The following MADD variants were observed in gnomAD, a reference collection of about 807,000 sequenced individuals.
MADD encodes the protein MAP kinase-activating death domain protein.
In MADD, 109 loss-of-function variants were observed where a neutral mutation model predicts 176.7. That is an observed-to-expected ratio of 0.62 (90% confidence interval 0.53 to 0.72). The LOEUF (loss-of-function observed/expected upper bound fraction) is 0.72. MADD is among the 30% of genes least tolerant of loss of function. The probability of loss-of-function intolerance (pLI) is 0.00; values close to 1 mark genes in which losing one functional copy is unlikely to be tolerated. For synonymous variants in MADD, 771 were observed against 771.3 expected (o/e 1.00, Z 0.01); for missense variants, 1,914 against 2,045.5 (o/e 0.94, Z 1.24).
chr11:47,287,281 C>G (rs1473539583), intron 15 of MADD, among the ~76,000 whole-genome samples: 2 of 152,224 alleles, frequency 1.3e-5, no homozygotes, highest in Non-Finnish European at 2.9e-5. Flanking sequence ...GAGGTCGCGC[C>G]ACTGCACTCC....
At chr11:47,277,514 C>T (rs989813412) in intron 5 of MADD, among the ~76,000 whole-genome samples, 1 of 152,166 alleles carries the variant, frequency 6.6e-6, no homozygotes, top group Admixed American at 6.5e-5. Context: ...CTGGGCTGGT[C>T]TTGAACTCTT....
At chr11:47,290,365 A>G in intron 18 of MADD, 66 bp downstream of exon 19, 7 of 1,575,498 alleles carry the variant, frequency 4.4e-6, no homozygotes, top group Non-Finnish European at 6.0e-6. Context: ...TGAAGAGAAA[A>G]TATATGTGTA....
At chr11:47,287,271 G>A (rs1283625338) in intron 15 of MADD, among the ~76,000 whole-genome samples, 3 of 152,304 alleles carry the variant, frequency 2.0e-5, no homozygotes, top group East Asian at 3.9e-4. Flanking sequence ...GCAGTGAGCC[G>A]AGGTCGCGCC....
exon 26 of MADD, chr11:47,311,782 G>T (rs12099357): frequency 2.4e-5 from 38 of 1,613,970 alleles, no homozygotes; most frequent in Non-Finnish European, 9.3e-6. Context: ...TGGGAAAGTC[G>T]CACATTGGGC....
intron 1 of MADD, chr11:47,270,686 A>G (rs1055510): frequency 0.39 from 59,510 of 151,850 alleles, 12,522 homozygotes; most frequent in East Asian, 0.69. Context: ...TTAACTTGAT[A>G]TTTCAAAATT....
At chr11:47,279,028 G>T (rs1415892942) in exon 7 of MADD, 2 of 1,614,014 alleles carry the variant, frequency 1.2e-6, no homozygotes, top group South Asian at 2.2e-5. Context: ...CAGAAGTGCT[G>T]CCTATCCTGC....
At chr11:47,314,536 G>A (rs908497585) in intron 26 of MADD, among the ~76,000 whole-genome samples, 2 of 151,438 alleles carry the variant, frequency 1.3e-5, no homozygotes, top group African/African-American at 4.9e-5. Flanking sequence ...AAGCCCAGGA[G>A]TTCAGAGCTG....
At chr11:47,315,367 A>C (rs1367297823) in intron 27 of MADD, 40 bp downstream of exon 30, 1 of 1,250,596 alleles carries the variant, frequency 8.0e-7, no homozygotes, top group African/African-American at 1.5e-5. Flanking sequence ...AGGGCTATTG[A>C]GAGTCACAGG....
intron 10 of MADD, 48 bp from the exon 11 acceptor site, chr11:47,284,130 C>T (rs776462748): frequency 1.6e-6 from 2 of 1,278,888 alleles, no homozygotes; most frequent in East Asian, 4.6e-5. Context: ...TAGGTGTTCT[C>T]CCTGCCCCTT....
Position 47,324,407 on chromosome 11 carries a change from A to C in MADD, c.4436-64A>C. On this transcript the variant is annotated intron_variant, in intron 29 of 32. Coordinates refer to ENST00000402192, the Ensembl canonical transcript of MADD. ...TCCTTCTGAGTGTCAGGGGCCTGGC[A>C]GGGAAGTCAGGGGTGGGATTCCCCA... 3 of 1,601,286 alleles carry C rather than the reference A, an allele frequency of 1.9e-6. 1 individual carries two copies. Among genetic ancestry groups the C allele is most frequent in the Non-Finnish European group, 2.6e-6 (3 of 1,168,484 alleles).
At chr11:47,270,407 C>T (rs12800869) in intron 1 of MADD, among the ~76,000 whole-genome samples, 161 bp downstream of exon 1, 1 of 58,600 alleles carries the variant, frequency 1.7e-5, no homozygotes, top group Non-Finnish European at 3.6e-5. Flanking sequence ...CGAGGAGGGG[C>T]GGGGACGGGG....
At chr11:47,302,002 G>T (rs1052988779) in intron 22 of MADD, among the ~76,000 whole-genome samples, 1 of 152,086 alleles carries the variant, frequency 6.6e-6, no homozygotes, top group Non-Finnish European at 1.5e-5. Context: ...TATAAATCCG[G>T]TATTTCTGTG....
intron 16 of MADD, 111 bp from the exon 18 acceptor site, chr11:47,289,756 A>T: frequency 8.0e-7 from 1 of 1,250,652 alleles, no homozygotes; most frequent in Non-Finnish European, 1.1e-6. Flanking sequence ...GGACATTCAG[A>T]GACATGGCTT....
intron 22 of MADD, among the ~76,000 whole-genome samples, chr11:47,307,258 G>T (rs774486885): frequency 1.6e-4 from 25 of 152,224 alleles, no homozygotes; most frequent in Non-Finnish European, 2.9e-4. Flanking sequence ...ATTCCAGTGT[G>T]TTTTAATTCC....
intron 3 of MADD, 33 bp downstream of exon 3, chr11:47,275,192 G>T: frequency 6.4e-7 from 1 of 1,560,610 alleles, no homozygotes; most frequent in Non-Finnish European, 8.7e-7. Context: ...AATGGGGGAA[G>T]CATTTAGAGA....
chr11:47,269,433 T>G (rs1449627), upstream of MADD: 59,664 of 152,230 alleles, frequency 0.39, 12,564 homozygotes, highest in East Asian at 0.69. Context: ...CATGCCTTGG[T>G]TTTTCCTTTG....
chr11:47,300,498 G>A (rs1272338402), intron 22 of MADD, among the ~76,000 whole-genome samples: 4 of 148,188 alleles, frequency 2.7e-5, no homozygotes, highest in Non-Finnish European at 4.4e-5. Flanking sequence ...GAGCCACTGC[G>A]CCCAGCTTTT....
intron 1 of MADD, among the ~76,000 whole-genome samples, chr11:47,271,661 C>A (rs1464958021): frequency 6.6e-6 from 1 of 151,714 alleles, no homozygotes; most frequent in African/African-American, 2.4e-5. Flanking sequence ...GTCTAGAGCT[C>A]TGGTTCTATA....
chr11:47,283,117 G>A (rs989720537), intron 10 of MADD, 148 bp downstream of exon 10: 8 of 708,290 alleles, frequency 1.1e-5, no homozygotes, highest in Admixed American at 4.2e-5. Context: ...TTTTTGAGAC[G>A]GAGTCTCGCT....
Sources: allele counts gnomAD v4.1 joint callset (sites outside exome capture counted in the v4.1 genomes callset), GRCh38; gene constraint gnomAD v4.1.1; transcripts MANE v1.5; gene names NCBI Gene and HGNC (gene_info 2026-07-23, HGNC 2026-07-21).